Variants in ATRNL1 observed in about 807,000 individuals in gnomAD.
The protein encoded by ATRNL1 is attractin like 1, also known as attractin-like protein 1.
A neutral mutation model predicts 182.7 loss-of-function variants in ATRNL1; 95 were observed. The observed-to-expected ratio is 0.52, with a 90% confidence interval of 0.44 to 0.62. The LOEUF (loss-of-function observed/expected upper bound fraction) is 0.62, where lower values mean the gene tolerates loss of function less well. Ranked by LOEUF, ATRNL1 falls within the 20% of genes least tolerant of loss-of-function variation. The pLI is 0.00. For synonymous variants in ATRNL1, 576 were observed against 568.3 expected (o/e 1.01, Z -0.19); for missense variants, 1,471 against 1,679.5 (o/e 0.88, Z 2.17).
chr10:115,213,892 A>G (rs1849123898), intron 8 of ATRNL1, among the ~76,000 whole-genome samples: 1 of 152,110 alleles, frequency 6.6e-6, no homozygotes. Context: ...CAAATGAGTA[A>G]CAAAGTAGAG....
chr10:115,697,629 T>C (rs1036964972), intron 26 of ATRNL1, among the ~76,000 whole-genome samples: 1 of 152,154 alleles, frequency 6.6e-6, no homozygotes, highest in Non-Finnish European at 1.5e-5. Context: ...CCTGGCCTAT[T>C]TTTTTAATCA....
intron 26 of ATRNL1, among the ~76,000 whole-genome samples, chr10:115,617,766 T>C (rs924219350): frequency 2.6e-5 from 4 of 152,162 alleles, no homozygotes; most frequent in Non-Finnish European, 5.9e-5. Flanking sequence ...AGTTAAGGCA[T>C]GGAGATTGTT....
At chr10:115,811,083 A>G (rs573657080) in intron 27 of ATRNL1, among the ~76,000 whole-genome samples, 1 of 152,024 alleles carries the variant, frequency 6.6e-6, no homozygotes, top group Non-Finnish European at 1.5e-5. Flanking sequence ...CATTGATTAG[A>G]GACATTTTTT....
At chr10:115,707,748 C>A (rs1360530137) in intron 26 of ATRNL1, among the ~76,000 whole-genome samples, 4 of 151,240 alleles carry the variant, frequency 2.6e-5, no homozygotes, top group African/African-American at 9.7e-5. Context: ...CCAAATAGAC[C>A]AAATTGTCTC....
intron 27 of ATRNL1, among the ~76,000 whole-genome samples, chr10:115,816,223 A>G (rs2134269399): frequency 6.6e-6 from 1 of 152,304 alleles, no homozygotes; most frequent in Non-Finnish European, 1.5e-5. Flanking sequence ...TGCCAACTGC[A>G]GTTTGTCACA....
At chr10:115,337,788 C>G (rs1275727043) in intron 19 of ATRNL1, among the ~76,000 whole-genome samples, 4 of 152,106 alleles carry the variant, frequency 2.6e-5, no homozygotes, top group African/African-American at 9.7e-5. Flanking sequence ...ATCCATTCAT[C>G]TGTTAATACA....
rs191464843 is a variant in ATRNL1, at chr10:115,832,239, G to T, written c.3904-15638G>T. ...TCAAATAGCCAAGGTAAAATAGGGA[G>T]GAATCCAGGATTTTCCCACCATTCA... is the stretch of plus-strand genomic sequence containing the variant. On this transcript the variant is annotated intron_variant, in intron 27 of 28. Transcript: ENST00000355044. Among the ~76,000 whole-genome samples, 6 of 152,256 alleles carry T rather than the reference G, an allele frequency of 3.9e-5. No homozygotes were observed. The East Asian group carries it at 1.2e-3, about 29-fold the overall frequency.
intron 27 of ATRNL1, among the ~76,000 whole-genome samples, chr10:115,775,709 C>A (rs1949105260): frequency 6.6e-6 from 1 of 152,064 alleles, no homozygotes; most frequent in South Asian, 2.1e-4. Context: ...GTAATCCCAG[C>A]ACTTTGGGAG....
At chr10:115,394,872 T>A (rs1177515954) in intron 20 of ATRNL1, 120 bp downstream of exon 20, 1 of 753,548 alleles carries the variant, frequency 1.3e-6, no homozygotes, top group African/African-American at 1.8e-5. Context: ...TTACAATTTT[T>A]AACTTTTATT....
At chr10:115,525,485 C>T (rs1247227924) in intron 25 of ATRNL1, among the ~76,000 whole-genome samples, 1 of 152,162 alleles carries the variant, frequency 6.6e-6, no homozygotes, top group Admixed American at 6.5e-5. Flanking sequence ...AGCTCTAAGC[C>T]TCCTTATAAT....
chr10:115,643,157 CATAAAT>C (rs1223834662), intron 26 of ATRNL1, among the ~76,000 whole-genome samples: 2 of 152,116 alleles, frequency 1.3e-5, no homozygotes, highest in African/African-American at 2.4e-5. Context: ...ATCAATAAAA[CATAAAT>C]ATACCCACAT....
At chr10:115,694,512 A>C (rs571211906) in intron 26 of ATRNL1, among the ~76,000 whole-genome samples, 99 of 150,998 alleles carry the variant, frequency 6.6e-4, no homozygotes, top group Middle Eastern at 3.4e-3. Context: ...CAGCTATGCA[A>C]AGCATGACTT....
At chr10:115,344,199 G>A (rs971396037) in intron 19 of ATRNL1, among the ~76,000 whole-genome samples, 2 of 152,158 alleles carry the variant, frequency 1.3e-5, no homozygotes, top group East Asian at 3.9e-4. Flanking sequence ...AGCTAGGCCT[G>A]TGTTCTTCCC....
At chr10:115,853,184 G>T (rs1951097248) in intron 28 of ATRNL1, among the ~76,000 whole-genome samples, 1 of 152,156 alleles carries the variant, frequency 6.6e-6, no homozygotes, top group Non-Finnish European at 1.5e-5. Flanking sequence ...ACTTGCTTCT[G>T]AGTGGTACCT....
chr10:115,582,696 GC>G (rs1447301121), intron 26 of ATRNL1, among the ~76,000 whole-genome samples: 31 of 149,292 alleles, frequency 2.1e-4, no homozygotes, highest in African/African-American at 7.3e-4. Context: ...TTTGTAGGCT[GC>G]CTGTTCACTC....
chr10:115,336,294 G>T (rs1855478465), intron 19 of ATRNL1, among the ~76,000 whole-genome samples: 1 of 152,152 alleles, frequency 6.6e-6, no homozygotes, highest in Non-Finnish European at 1.5e-5. Context: ...ACAGCTTAGT[G>T]CTCTGTCCAG....
intron 21 of ATRNL1, among the ~76,000 whole-genome samples, chr10:115,438,038 G>A (rs1017842509): frequency 2.6e-5 from 4 of 151,846 alleles, no homozygotes; most frequent in African/African-American, 7.2e-5. Flanking sequence ...AAACTGAAAC[G>A]CAATATTAAC....
At chr10:115,650,571 A>T in intron 26 of ATRNL1, among the ~76,000 whole-genome samples, 1 of 151,806 alleles carries the variant, frequency 6.6e-6, no homozygotes, top group East Asian at 1.9e-4. Context: ...ATGCACACAG[A>T]TACGTTTGAA....
At chr10:115,901,580 A>G (rs1193949728) in intron 28 of ATRNL1, among the ~76,000 whole-genome samples, 1 of 151,632 alleles carries the variant, frequency 6.6e-6, no homozygotes, top group Non-Finnish European at 1.5e-5. Context: ...CTCATTTCTC[A>G]CTGTCCCTTT....
Sources: allele counts gnomAD v4.1 joint callset (sites outside exome capture counted in the v4.1 genomes callset), GRCh38; gene constraint gnomAD v4.1.1; transcripts MANE v1.5; gene names NCBI Gene and HGNC (gene_info 2026-07-23, HGNC 2026-07-21).